The following DLC1 variants were observed in gnomAD, a reference collection of about 807,000 sequenced individuals.
DLC1 encodes the protein rho GTPase-activating protein 7.
Under a neutral mutation model 140.3 loss-of-function variants are expected in DLC1, and 54 were observed. The ratio of observed to expected loss-of-function variants is 0.38; its 90% CI spans 0.31 to 0.48. The LOEUF is 0.48. Ranked by LOEUF, DLC1 falls within the 20% of genes least tolerant of loss-of-function variation. DLC1 has a pLI of 0.96. For missense variants in DLC1, 2,536 were observed against 1,907.0 expected, an observed-to-expected ratio of 1.33 and a Z score of -6.14; for synonymous variants, 986 against 728.1, an observed-to-expected ratio of 1.35 and a Z score of -5.70.
At chr8:13,445,158 G>C (rs937646620) in intron 2 of DLC1, among the ~76,000 whole-genome samples, 12 of 151,958 alleles carry the variant, frequency 7.9e-5, no homozygotes, top group African/African-American at 2.9e-4. Flanking sequence ...GGAAGGGAGA[G>C]AGAAAGAGAA....
intron 4 of DLC1, among the ~76,000 whole-genome samples, chr8:13,337,321 TTAC>T (rs1833848022): frequency 6.6e-6 from 1 of 152,212 alleles, no homozygotes; most frequent in Admixed American, 6.5e-5. Context: ...TTAAATGAAA[TTAC>T]TAATTATCTG....
intron 5 of DLC1, among the ~76,000 whole-genome samples, chr8:13,274,458 T>C (rs1831079370): frequency 6.6e-6 from 1 of 152,228 alleles, no homozygotes; most frequent in African/African-American, 2.4e-5. Context: ...GCAATGGACC[T>C]AGAGCAGTAA....
chr8:13,119,451 C>T (rs1820850313), intron 5 of DLC1, among the ~76,000 whole-genome samples: 1 of 152,258 alleles, frequency 6.6e-6, no homozygotes, highest in African/African-American at 2.4e-5. Context: ...ATGCCACCTC[C>T]TCCATGCAGT....
chr8:13,139,178 T>A (rs1485014861), intron 5 of DLC1, among the ~76,000 whole-genome samples: 1 of 149,588 alleles, frequency 6.7e-6, no homozygotes, highest in East Asian at 2.0e-4. Flanking sequence ...TGTTCCCAGC[T>A]ACTTGGGAGG....
In DLC1 at chr8:13,360,251, C is replaced by T. The variant is rs568224912; in HGVS notation, c.1314+33302G>A. Among the ~76,000 whole-genome samples the T allele has an allele frequency of 2.0e-5, 3 of 152,304 alleles. No homozygotes were observed. The East Asian group carries it at 5.8e-4, about 29-fold the overall frequency. ...ATAAAACACTCAGTACAGAGCTCTA[C>T]ACAGAACGAACACTCAATAGACCAG... On this transcript the variant is annotated intron_variant, in intron 4 of 17. Transcript: ENST00000276297.
At chr8:13,538,105 C>T (rs1803355234) in intron 1 of DLC1, among the ~76,000 whole-genome samples, 1 of 152,104 alleles carries the variant, frequency 6.6e-6, no homozygotes. Context: ...AACTTCACAG[C>T]ATTATCTCAT....
intron 6 of DLC1, among the ~76,000 whole-genome samples, chr8:13,113,399 G>C (rs191213981): frequency 2.1e-4 from 32 of 152,300 alleles, no homozygotes; most frequent in Non-Finnish European, 3.1e-4. Context: ...CCCAAAAGTA[G>C]TCTTATGCTT....
intron 5 of DLC1, among the ~76,000 whole-genome samples, chr8:13,228,539 C>T (rs548949561): frequency 6.6e-6 from 1 of 151,996 alleles, no homozygotes; most frequent in East Asian, 1.9e-4. Flanking sequence ...AGTTTGAGAC[C>T]AGCTTAAGCA....
intron 2 of DLC1, among the ~76,000 whole-genome samples, chr8:13,416,417 A>G (rs1268704579): frequency 6.6e-6 from 1 of 152,180 alleles, no homozygotes; most frequent in Non-Finnish European, 1.5e-5. Context: ...ATGCATATAA[A>G]AGATATATAT....
chr8:13,391,419 T>G (rs912990699), intron 4 of DLC1, among the ~76,000 whole-genome samples: 3 of 152,186 alleles, frequency 2.0e-5, no homozygotes, highest in Non-Finnish European at 4.4e-5. Context: ...CAGAAAATAT[T>G]TGATTTGGAG....
At chr8:13,133,167 G>A in intron 5 of DLC1, 1 of 1,437,994 alleles carries the variant, frequency 7.0e-7, no homozygotes, top group Non-Finnish European at 9.1e-7. Flanking sequence ...TCTAAAGATC[G>A]AAACGAGGGA....
chr8:13,256,879 TAAAA>T (rs570193249), intron 5 of DLC1, among the ~76,000 whole-genome samples: 1 of 105,212 alleles, frequency 9.5e-6, no homozygotes, highest in African/African-American at 3.4e-5. Context: ...TCCCAGAACT[TAAAA>T]AAAAAAAAAA....
chr8:13,092,047 C>A (rs1182664052), intron 13 of DLC1, among the ~76,000 whole-genome samples: 1 of 152,120 alleles, frequency 6.6e-6, no homozygotes, highest in Non-Finnish European at 1.5e-5. Context: ...GAGCTCGAGA[C>A]CAGCCTGGCC....
chr8:13,088,616 T>C lies in DLC1; in HGVS notation c.4163A>G (p.Glu1388Gly). ...CAGGTCTACATCCCAGAGGTGCTGTTCTTTAAGTAGGCGCTTTAAGATTTC... is the reference window on the plus strand; with the variant it reads ...CAGGTCTACATCCCAGAGGTGCTGTCCTTTAAGTAGGCGCTTTAAGATTTC... ...PEEILKRLLK[E>G]QHLWDVDLLD... is the part of the protein sequence containing the mutation. Residue 1388 changes from glutamate to glycine, a missense_variant, in exon 16 of 18, where the codon GAA becomes GGA. Transcript: ENST00000276297. 1.2e-6 allele frequency: 2 copies of C among 1,614,180 alleles called. No individual in the cohort carries two copies. The highest frequency in any genetic ancestry group is 1.7e-6 in the Non-Finnish European group (2 of 1,180,044).
chr8:13,377,608 A>G (rs1563297213), intron 4 of DLC1, among the ~76,000 whole-genome samples: 1 of 152,130 alleles, frequency 6.6e-6, no homozygotes, highest in Non-Finnish European at 1.5e-5. Flanking sequence ...TCCCTTATCT[A>G]TACTTTCCTG....
chr8:13,116,918 A>AT (rs1045674762), intron 5 of DLC1, among the ~76,000 whole-genome samples: 5 of 152,228 alleles, frequency 3.3e-5, no homozygotes, highest in Non-Finnish European at 7.3e-5. Flanking sequence ...AAGTAGCATT[A>AT]TTCAACCCAA....
intron 5 of DLC1, among the ~76,000 whole-genome samples, chr8:13,140,598 A>C (rs898600471): frequency 6.6e-6 from 1 of 151,734 alleles, no homozygotes; most frequent in Non-Finnish European, 1.5e-5. Context: ...TATGTATATT[A>C]GGGATATTAA....
At chr8:13,156,814 G>C (rs551120776) in intron 5 of DLC1, among the ~76,000 whole-genome samples, 29 of 152,260 alleles carry the variant, frequency 1.9e-4, no homozygotes, top group African/African-American at 7.0e-4. Context: ...ATTTATCCAG[G>C]GGCAACCCTA....
chr8:13,466,314 C>T (rs1305087785), intron 2 of DLC1, among the ~76,000 whole-genome samples: 1 of 152,326 alleles, frequency 6.6e-6, no homozygotes, highest in East Asian at 1.9e-4. Context: ...TGCAAGGGTG[C>T]TGCCCTCTTT....
Sources: allele counts gnomAD v4.1 joint callset (sites outside exome capture counted in the v4.1 genomes callset), GRCh38; gene constraint gnomAD v4.1.1; transcripts MANE v1.5; gene names NCBI Gene and HGNC (gene_info 2026-07-23, HGNC 2026-07-21).